Variants in PABIR2 observed in about 807,000 individuals in gnomAD.
PABIR2 encodes PABIR family member 2.
PABIR2 carries 7 observed loss-of-function variants against 22.8 expected under a neutral mutation model. The ratio of observed to expected loss-of-function variants is 0.31; its 90% CI spans 0.17 to 0.58. The LOEUF is 0.58. Among genes scored for constraint, PABIR2 ranks in the 20% least tolerant of loss-of-function variants. PABIR2 has a pLI of 0.89. For synonymous variants in PABIR2, 67 were observed against 73.8 expected, an observed-to-expected ratio of 0.91 and a Z score of 0.47; for missense variants, 155 against 205.1, an observed-to-expected ratio of 0.76 and a Z score of 1.49.
chrX:134,789,227 CAT>C lies in PABIR2; in HGVS notation c.272_273del (p.His91ArgfsTer16). The part of the protein sequence containing the change: ...GLDMVNRETA[H>X]EREMQTAMQI... ...CTGCTCTTGCAAAGCACTAACCTTT[CAT>C]GTGCAGTTTCTCTGTTCACCATATC... On this transcript the variant is annotated frameshift_variant, in exon 4 of 10. Coordinates refer to ENST00000343004, the MANE Select transcript of PABIR2 (RefSeq NM_001387468.1). LOFTEE classifies it high-confidence loss of function. 1 of 1,212,290 alleles carries C rather than the reference CAT, an allele frequency of 8.2e-7. No individual in the cohort carries two copies. Among genetic ancestry groups the C allele is most frequent in the Non-Finnish European group, 1.1e-6 (1 of 895,619 alleles).
chrX:134,781,341 G>T (rs975721631), intron 9 of PABIR2, among the ~76,000 whole-genome samples: 1 of 112,610 alleles, frequency 8.9e-6, no homozygotes, highest in Non-Finnish European at 1.9e-5. Context: ...TTGATGGTAA[G>T]GAGCTGGGGG....
intron 8 of PABIR2, among the ~76,000 whole-genome samples, chrX:134,785,017 G>A (rs191325279): frequency 6.3e-5 from 7 of 111,613 alleles, no homozygotes; most frequent in African/African-American, 1.3e-4. Context: ...TGTTTGCTAC[G>A]GCATTAGCAT....
rs1380337952 is a variant in PABIR2, at chrX:134,772,092, T to C, written c.*47A>G. On this transcript the variant is annotated 3_prime_UTR_variant, in exon 10 of 10. Coordinates refer to ENST00000343004, the MANE Select transcript of PABIR2 (RefSeq NM_001387468.1). ...GTTCTCTGCGTTCCCCACTAAACAT[T>C]TTATGTAGGAAACAGCAGTTAAAAC... 4 of 1,152,673 alleles carry C rather than the reference T, an allele frequency of 3.5e-6. No homozygotes were observed. Among genetic ancestry groups the C allele is most frequent in the Non-Finnish European group, 4.6e-6 (4 of 863,031 alleles). 95.0% of individuals were successfully genotyped at this position (1,152,673 alleles called of 1,213,427 possible). A position where few individuals can be genotyped will look rare whatever the true frequency, so the allele number is the denominator to read the frequency against.
At chrX:134,778,110 C>G (rs1244100396) in intron 9 of PABIR2, among the ~76,000 whole-genome samples, 1 of 103,331 alleles carries the variant, frequency 9.7e-6, no homozygotes, top group Admixed American at 1.0e-4. Flanking sequence ...CCAGGCTGGT[C>G]TTGAAACTCC....
At chrX:134,794,967 T>C (rs1240842939) in intron 1 of PABIR2, among the ~76,000 whole-genome samples, 1 of 112,312 alleles carries the variant, frequency 8.9e-6, no homozygotes, top group African/African-American at 3.2e-5. Context: ...AAAAACAGTA[T>C]GTTTTTGCTA....
chrX:134,782,092 C>A (rs1603019790), intron 8 of PABIR2, among the ~76,000 whole-genome samples, 175 bp from the exon 9 acceptor site: 1 of 112,416 alleles, frequency 8.9e-6, no homozygotes, highest in East Asian at 2.8e-4. Flanking sequence ...TAAACTCAAT[C>A]AAAAAGTTGG....
intron 5 of PABIR2, 24 bp from the exon 6 acceptor site, chrX:134,788,855 C>T (rs371668938): frequency 5.2e-5 from 61 of 1,164,370 alleles, no homozygotes; most frequent in Non-Finnish European, 7.0e-5. Context: ...GTGTCATCTC[C>T]TCATAATAAA....
chrX:134,787,915 A>G (rs1478514383), intron 6 of PABIR2, among the ~76,000 whole-genome samples: 1 of 108,030 alleles, frequency 9.3e-6, no homozygotes, highest in Non-Finnish European at 1.9e-5. Flanking sequence ...GATTACAGGT[A>G]TAAGCCACCA....
chrX:134,784,386 C>T (rs2079246258), intron 8 of PABIR2, among the ~76,000 whole-genome samples: 1 of 110,566 alleles, frequency 9.0e-6, no homozygotes, highest in African/African-American at 3.3e-5. Flanking sequence ...AATCGCTGAG[C>T]CCAGGAGGTG....
At chrX:134,788,690 A>G in intron 6 of PABIR2, 40 bp downstream of exon 6, 1 of 1,112,245 alleles carries the variant, frequency 9.0e-7, no homozygotes, top group Non-Finnish European at 1.2e-6. Context: ...TAAACAGCTC[A>G]GTTTGTGAAA....
At chrX:134,772,366 A>C in intron 9 of PABIR2, 83 bp from the exon 10 acceptor site, 4 of 922,846 alleles carry the variant, frequency 4.3e-6, no homozygotes, top group Non-Finnish European at 5.9e-6. Context: ...TCAAGAGCTC[A>C]CAAATCAGTA....
chrX:134,788,880 G>T, intron 5 of PABIR2, 49 bp from the exon 6 acceptor site: 1 of 1,090,984 alleles, frequency 9.2e-7, no homozygotes, highest in Non-Finnish European at 1.3e-6. Context: ...GCACATCACA[G>T]CTCTTACTTA....
intron 7 of PABIR2, among the ~76,000 whole-genome samples, chrX:134,787,099 CTTTT>C (rs199859091): frequency 1.1e-5 from 1 of 94,436 alleles, no homozygotes. Context: ...AGTTAATCTT[CTTTT>C]TTTTTTTTTT....
intron 2 of PABIR2, among the ~76,000 whole-genome samples, chrX:134,791,840 A>T (rs2079556716): frequency 8.9e-6 from 1 of 111,899 alleles, no homozygotes; most frequent in Admixed American, 9.5e-5. Context: ...AGGCACCTTA[A>T]ATCCAATTAT....
chrX:134,788,072 AATATACACGTTATATGTGTAAT>A (rs1236810850), intron 6 of PABIR2, among the ~76,000 whole-genome samples: 6 of 107,703 alleles, frequency 5.6e-5, no homozygotes, highest in Middle Eastern at 4.5e-3. Context: ...ATATATATGT[AATATACACGTTATATGTGTAAT>A]ATATACACGT....
chrX:134,771,465 C>G lies in PABIR2; in HGVS notation c.*674G>C. 1 of 1,062,156 alleles carries G rather than the reference C, an allele frequency of 9.4e-7. No homozygotes were observed. Among genetic ancestry groups the G allele is most frequent in the Non-Finnish European group, 1.2e-6 (1 of 828,530 alleles). The allele number at this position is 1,062,156 out of a possible 1,213,427, so 87.5% of individuals were successfully genotyped here. On this transcript the variant is annotated 3_prime_UTR_variant, in exon 10 of 10. Coordinates refer to ENST00000343004, the MANE Select transcript of PABIR2 (RefSeq NM_001387468.1). ...AACCTGTGATGACTAATCCAAGCAT[C>G]CTGTAAGTCCGTTTACATTCTCAGC...
In PABIR2 at chrX:134,796,447, G is replaced by A. The variant is rs1024699809; in HGVS notation, c.-242C>T. ...GTGAGGCAGGAGAGGAGGACGAAGAGGTAGTGGTGGAAGGTGACAGAATGA... is the reference window on the plus strand; with the variant it reads ...GTGAGGCAGGAGAGGAGGACGAAGAAGTAGTGGTGGAAGGTGACAGAATGA... On this transcript the variant is annotated 5_prime_UTR_variant, in exon 1 of 10. Transcript: ENST00000343004. 4.7e-5 allele frequency: 17 copies of A among 361,634 alleles called. No homozygotes were observed. The highest frequency in any genetic ancestry group is 7.4e-4 in the Middle Eastern group (1 of 1,351). 29.8% of individuals were successfully genotyped at this position (361,634 alleles called of 1,213,427 possible). A position where few individuals can be genotyped will look rare whatever the true frequency, so the allele number is the denominator to read the frequency against.
rs999747767 is a variant in PABIR2, at chrX:134,796,493, A to C, written c.-288T>G. On this transcript the variant is annotated 5_prime_UTR_variant, in exon 1 of 10. Transcript: ENST00000343004. ...AATGAAGGAAAAGGATGAAGGAAAG[A>C]AGGATGGAGGGAAAACAAGGATGGA... 5.3e-5 allele frequency: 14 copies of C among 262,378 alleles called. No homozygotes were observed. Among genetic ancestry groups the C allele is most frequent in the African/African-American group, 3.8e-4 (13 of 33,855 alleles). 21.6% of individuals were successfully genotyped at this position (262,378 alleles called of 1,213,427 possible).
chrX:134,788,374 G>A (rs1308191783), intron 6 of PABIR2, among the ~76,000 whole-genome samples: 1 of 73,178 alleles, frequency 1.4e-5, no homozygotes, highest in South Asian at 7.4e-4. Flanking sequence ...CGTTATATAT[G>A]TGTAATATAT....
Sources: gnomAD v4.1 joint callset for allele counts (sites outside exome capture counted in the v4.1 genomes callset) on GRCh38, gnomAD v4.1.1 for gene constraint, MANE v1.5 for transcripts, NCBI Gene and HGNC (gene_info 2026-07-23, HGNC 2026-07-21) for gene names.